The following MCPH1 variants were observed in gnomAD, a reference collection of about 807,000 sequenced individuals.
MCPH1 encodes the protein microcephalin.
In MCPH1, 104 loss-of-function variants were observed where a neutral mutation model predicts 84.5. The ratio of observed to expected loss-of-function variants is 1.23; its 90% confidence interval spans 1.05 to 1.45. MCPH1 has a LOEUF of 1.45. Among genes scored for constraint, MCPH1 ranks in the 40% most tolerant of loss-of-function variants. The probability of loss-of-function intolerance (pLI) is 0.00; values close to 1 mark genes in which losing one functional copy is unlikely to be tolerated. For synonymous variants in MCPH1, 514 were observed against 366.8 expected (o/e 1.40, Z -4.58); for missense variants, 1,498 against 1,005.7 (o/e 1.49, Z -6.62).
At chr8:6,594,591 C>T (rs1038605363) in intron 12 of MCPH1, among the ~76,000 whole-genome samples, 2 of 152,212 alleles carry the variant, frequency 1.3e-5, no homozygotes, top group Non-Finnish European at 2.9e-5. Flanking sequence ...AGCCTGCTCG[C>T]ATCAGGCCAG....
rs996398632 is a variant in MCPH1 at position 6,469,500 on chromosome 8, C to G, written c.1936-8094C>G. Among the ~76,000 whole-genome samples, 6 of 151,902 alleles carry G rather than the reference C, an allele frequency of 3.9e-5. 1 individual carries two copies. Among genetic ancestry groups the G allele is most frequent in the Admixed American group, 1.3e-4 (2 of 15,238 alleles). On this transcript the variant is annotated intron_variant, in intron 9 of 13. Coordinates refer to ENST00000344683, the MANE Select transcript of MCPH1 (RefSeq NM_024596.5). ...ATTGGATTTTATTTTTAAAAATTTCCTCTATAGTCAAAATTTATATAAATA... is the reference window on the plus strand; with the variant it reads ...ATTGGATTTTATTTTTAAAAATTTCGTCTATAGTCAAAATTTATATAAATA...
At chr8:6,426,342 C>G (rs755413334) in intron 3 of MCPH1, among the ~76,000 whole-genome samples, 40 of 152,180 alleles carry the variant, frequency 2.6e-4, no homozygotes, top group Non-Finnish European at 5.3e-4. Context: ...TGCTGTCGGC[C>G]TCCCTGCCCC....
chr8:6,626,649 C>T, intron 13 of MCPH1: 6 of 984,510 alleles, frequency 6.1e-6, no homozygotes, highest in Non-Finnish European at 7.2e-6. Context: ...GTTGCATTTT[C>T]CCCCCAACAC....
chr8:6,529,703 G>A lies in MCPH1; in HGVS notation c.2214+29774G>A, dbSNP rs188430284. 1.5e-3 allele frequency among the ~76,000 whole-genome samples: 226 copies of A among 148,318 alleles called. 1 individual carries two copies. The highest frequency in any genetic ancestry group is 2.7e-3 in the Non-Finnish European group (184 of 67,450). On this transcript the variant is annotated intron_variant, in intron 12 of 13. Transcript: ENST00000344683. The stretch of plus-strand genomic sequence containing the variant: ...TGGTCTCGGACTCCTGATCTCAAGC[G>A]ATCCACCCACCTCGGCCTCTCAAAG...
Position 6,609,828 on chromosome 8 carries a change from C to CCCCCTA in MCPH1, c.2215-11625_2215-11624insCCCTAC, listed in dbSNP as rs1475345162. 5.5e-5 allele frequency among the ~76,000 whole-genome samples: 6 copies of CCCCCTA among 108,742 alleles called. 1 individual carries two copies. Among genetic ancestry groups the CCCCCTA allele is most frequent in the Admixed American group, 1.7e-4 (2 of 11,552 alleles). 71.3% of individuals were successfully genotyped at this position (108,742 alleles called of 152,430 possible). On this transcript the variant is annotated intron_variant, in intron 12 of 13. Transcript: ENST00000344683. Reference sequence around the variant, plus strand: ...CAAAGCAATGCCCCCCGCCCCCCCCCCACACACAGACTGCCAGGTAAACCA... The same window carrying CCCCCTA: ...CAAAGCAATGCCCCCCGCCCCCCCCCCCCCTACACACACAGACTGCCAGGTAAACCA...
chr8:6,459,031 T>C (rs1025955342), intron 9 of MCPH1, among the ~76,000 whole-genome samples: 1 of 152,222 alleles, frequency 6.6e-6, no homozygotes, highest in African/African-American at 2.4e-5. Flanking sequence ...TATGTTGATA[T>C]GTGGTAATGA....
At chr8:6,602,154 G>A (rs1368397911) in intron 12 of MCPH1, among the ~76,000 whole-genome samples, 1 of 152,222 alleles carries the variant, frequency 6.6e-6, no homozygotes, top group African/African-American at 2.4e-5. Flanking sequence ...GCCAAGCTCA[G>A]GAAAACCAGT....
intron 8 of MCPH1, among the ~76,000 whole-genome samples, chr8:6,454,036 GAA>G (rs1805401927): frequency 6.6e-6 from 1 of 152,126 alleles, no homozygotes; most frequent in Non-Finnish European, 1.5e-5. Context: ...CCCTGTTTTT[GAA>G]AAGAGTGACA....
chr8:6,617,290 T>C (rs1246032610), intron 12 of MCPH1: 1 of 149,090 alleles, frequency 6.7e-6, no homozygotes, highest in East Asian at 1.9e-4. Flanking sequence ...TTTTTTTTTG[T>C]TTTTTTTGAG....
intron 9 of MCPH1, among the ~76,000 whole-genome samples, chr8:6,462,443 A>T (rs561471682): frequency 1.3e-5 from 2 of 152,350 alleles, no homozygotes; most frequent in African/African-American, 2.4e-5. Context: ...GAACATGTTT[A>T]AAACATTTTT....
intron 9 of MCPH1, among the ~76,000 whole-genome samples, chr8:6,477,115 C>G (rs1358217295): frequency 1.3e-5 from 2 of 151,974 alleles, no homozygotes; most frequent in Non-Finnish European, 2.9e-5. Context: ...AATAAGTTCC[C>G]TTATCCATGC....
chr8:6,594,450 C>T (rs993817052), intron 12 of MCPH1, among the ~76,000 whole-genome samples: 4 of 152,122 alleles, frequency 2.6e-5, no homozygotes, highest in African/African-American at 4.8e-5. Context: ...AACACTCATT[C>T]GTGGGCCCTC....
chr8:6,483,341 A>G (rs1408951365), intron 11 of MCPH1, among the ~76,000 whole-genome samples: 1 of 152,192 alleles, frequency 6.6e-6, no homozygotes, highest in South Asian at 2.1e-4. Context: ...ATTTCTATGG[A>G]GATATTAAGG....
At chr8:6,474,528 GTAAA>G (rs1808184119) in intron 9 of MCPH1, among the ~76,000 whole-genome samples, 1 of 151,976 alleles carries the variant, frequency 6.6e-6, no homozygotes, top group Admixed American at 6.6e-5. Context: ...TCTCTCAAAA[GTAAA>G]TAAATAAATA....
chr8:6,454,318 A>G (rs1363873897), intron 8 of MCPH1, among the ~76,000 whole-genome samples: 1 of 152,214 alleles, frequency 6.6e-6, no homozygotes, highest in Non-Finnish European at 1.5e-5. Context: ...CAGTTTGGCT[A>G]TCACCTGCCT....
intron 12 of MCPH1, among the ~76,000 whole-genome samples, chr8:6,617,546 G>A (rs969100365): frequency 6.6e-6 from 1 of 152,070 alleles, no homozygotes; most frequent in Non-Finnish European, 1.5e-5. Flanking sequence ...ATGCCACCGA[G>A]CCATCGTTCC....
chr8:6,620,148 A>G (rs1474160032), intron 12 of MCPH1: 1 of 152,206 alleles, frequency 6.6e-6, no homozygotes, highest in Non-Finnish European at 1.5e-5. Context: ...GTCACCATCC[A>G]GGAAGAATCA....
intron 12 of MCPH1, among the ~76,000 whole-genome samples, chr8:6,541,937 G>A (rs925749058): frequency 6.6e-6 from 1 of 151,710 alleles, no homozygotes. Context: ...GAGCCCAGGA[G>A]GTTGAGGCTG....
intron 11 of MCPH1, among the ~76,000 whole-genome samples, chr8:6,486,938 A>G (rs1810000666): frequency 6.6e-6 from 1 of 152,218 alleles, no homozygotes; most frequent in South Asian, 2.1e-4. Flanking sequence ...TGACTTGTCT[A>G]AAATTCTACT....
Sources: gnomAD v4.1 joint callset for allele counts (sites outside exome capture counted in the v4.1 genomes callset) on GRCh38, gnomAD v4.1.1 for gene constraint, MANE v1.5 for transcripts, NCBI Gene and HGNC (gene_info 2026-07-23, HGNC 2026-07-21) for gene names.